Variants in RFX3 observed in about 807,000 individuals in gnomAD.
RFX3 encodes the protein transcription factor RFX3.
A neutral mutation model predicts 98.6 loss-of-function variants in RFX3; 14 were observed. The ratio of observed to expected loss-of-function variants is 0.14; its 90% CI spans 0.09 to 0.22. The LOEUF (loss-of-function observed/expected upper bound fraction) is 0.22. RFX3 is among the 10% of genes least tolerant of loss of function. The pLI is 1.00. For missense variants in RFX3, 639 were observed against 926.9 expected, an observed-to-expected ratio of 0.69 and a Z score of 4.03; for synonymous variants, 383 against 328.4, an observed-to-expected ratio of 1.17 and a Z score of -1.80.
intron 1 of RFX3, among the ~76,000 whole-genome samples, chr9:3,428,464 A>G (rs1423494947): frequency 6.6e-6 from 1 of 152,218 alleles, no homozygotes; most frequent in Non-Finnish European, 1.5e-5. Flanking sequence ...TTTAAAATTT[A>G]TTTTATAAAG....
At chr9:3,344,897 T>C (rs1461936898) in intron 3 of RFX3, 2 of 701,314 alleles carry the variant, frequency 2.9e-6, no homozygotes, top group East Asian at 2.7e-5. Context: ...AACAAATAAG[T>C]AGAGTGAAAA....
chr9:3,362,345 GA>G lies in RFX3; in HGVS notation c.118-15582del, dbSNP rs543397925. ...TAAATGACAGAATTCATTTTATGTAGAAAACAGAATTTGTTTATTTACATTA... is the reference window on the plus strand; with the variant it reads ...TAAATGACAGAATTCATTTTATGTAGAAACAGAATTTGTTTATTTACATTA... On this transcript the variant is annotated intron_variant, in intron 2 of 16. Coordinates refer to ENST00000617270, the MANE Select transcript of RFX3 (RefSeq NM_001282116.2). 2.3e-3 allele frequency among the ~76,000 whole-genome samples: 349 copies of G among 152,244 alleles called. 1 individual carries two copies. Among genetic ancestry groups the G allele is most frequent in the African/African-American group, 8.0e-3 (334 of 41,546 alleles).
chr9:3,225,619 G>C (rs1481464279), intron 16 of RFX3, among the ~76,000 whole-genome samples: 2 of 152,050 alleles, frequency 1.3e-5, no homozygotes, highest in Non-Finnish European at 2.9e-5. Flanking sequence ...TAGTCACTTT[G>C]GTATGTTATG....
intron 15 of RFX3, among the ~76,000 whole-genome samples, chr9:3,237,215 T>C: frequency 6.6e-6 from 1 of 152,220 alleles, no homozygotes; most frequent in South Asian, 2.1e-4. Context: ...ATTGACTTGT[T>C]TTCCCACTCT....
At chr9:3,391,435 G>A (rs1203082536) in intron 2 of RFX3, among the ~76,000 whole-genome samples, 1 of 152,156 alleles carries the variant, frequency 6.6e-6, no homozygotes, top group African/African-American at 2.4e-5. Context: ...AAAACTGCGT[G>A]AAATAAAACA....
Position 3,224,879 on chromosome 9 carries a change from T to C in RFX3, c.*163A>G, listed in dbSNP as rs1817595121. On this transcript the variant is annotated 3_prime_UTR_variant, in exon 17 of 17. Transcript: ENST00000617270. ...AATTTGTTTACGTTAAAAAAAAAGATCTGGCAAAATACATACACCCATTCC... is the reference window on the plus strand; with the variant it reads ...AATTTGTTTACGTTAAAAAAAAAGACCTGGCAAAATACATACACCCATTCC... 3 of 586,262 alleles carry C rather than the reference T, an allele frequency of 5.1e-6. No individual in the cohort carries two copies. Among genetic ancestry groups the C allele is most frequent in the Non-Finnish European group, 8.5e-6 (3 of 351,138 alleles). 36.3% of individuals were successfully genotyped at this position (586,262 alleles called of 1,614,324 possible).
intron 1 of RFX3, among the ~76,000 whole-genome samples, chr9:3,484,082 A>G (rs1850043347): frequency 6.6e-6 from 1 of 152,190 alleles, no homozygotes; most frequent in African/African-American, 2.4e-5. Context: ...AATAAAAACA[A>G]TGTTGCAGAT....
chr9:3,377,970 T>A (rs1409871414), intron 2 of RFX3, among the ~76,000 whole-genome samples: 2 of 152,182 alleles, frequency 1.3e-5, no homozygotes, highest in Non-Finnish European at 2.9e-5. Flanking sequence ...AGTGTATAAA[T>A]ATAAGTATAC....
At chr9:3,375,637 A>T (rs1042685629) in intron 2 of RFX3, among the ~76,000 whole-genome samples, 1 of 152,220 alleles carries the variant, frequency 6.6e-6, no homozygotes, top group Non-Finnish European at 1.5e-5. Flanking sequence ...ACTTACACCT[A>T]TGTGAGTGTA....
intron 1 of RFX3, among the ~76,000 whole-genome samples, chr9:3,426,532 G>A (rs759949243): frequency 9.9e-5 from 15 of 152,126 alleles, no homozygotes; most frequent in Non-Finnish European, 2.1e-4. Context: ...GTGAGCAGGA[G>A]GTGAGCAGCA....
At chr9:3,227,594 A>T (rs1213731456) in intron 16 of RFX3, among the ~76,000 whole-genome samples, 1 of 152,202 alleles carries the variant, frequency 6.6e-6, no homozygotes, top group Admixed American at 6.5e-5. Context: ...TCAGTCTCTG[A>T]CTGAGCAGTA....
chr9:3,326,248 C>A (rs572125011), intron 4 of RFX3, among the ~76,000 whole-genome samples: 3 of 152,064 alleles, frequency 2.0e-5, no homozygotes, highest in South Asian at 2.1e-4. Flanking sequence ...AGTATTTTGA[C>A]TAAATTTGAG....
At chr9:3,523,850 G>C (rs1818958185) in intron 1 of RFX3, among the ~76,000 whole-genome samples, 1 of 152,142 alleles carries the variant, frequency 6.6e-6, no homozygotes, top group Admixed American at 6.5e-5. Context: ...ACAAATCTGA[G>C]TGCTCTGAGA....
intron 14 of RFX3, among the ~76,000 whole-genome samples, chr9:3,248,522 C>T (rs1432419805): frequency 6.6e-6 from 1 of 152,194 alleles, no homozygotes; most frequent in Non-Finnish European, 1.5e-5. Context: ...CCACTCATTA[C>T]TACCCTAAGA....
intron 1 of RFX3, among the ~76,000 whole-genome samples, chr9:3,491,163 A>G (rs1203895236): frequency 6.6e-6 from 1 of 152,104 alleles, no homozygotes; most frequent in Non-Finnish European, 1.5e-5. Context: ...GCAAACAGGC[A>G]CAGCTGAGTA....
intron 2 of RFX3, among the ~76,000 whole-genome samples, chr9:3,379,427 T>A (rs1042168597): frequency 8.5e-5 from 13 of 152,162 alleles, no homozygotes; most frequent in Admixed American, 5.9e-4. Flanking sequence ...GTTTTTTTTT[T>A]ATTCAATTTG....
At chr9:3,408,301 G>T (rs1276514167) in intron 1 of RFX3, among the ~76,000 whole-genome samples, 1 of 152,006 alleles carries the variant, frequency 6.6e-6, no homozygotes. Flanking sequence ...CACTGTTCAG[G>T]GTAATAAAGC....
intron 2 of RFX3, among the ~76,000 whole-genome samples, chr9:3,383,060 A>G (rs1839356483): frequency 6.6e-6 from 1 of 152,136 alleles, no homozygotes; most frequent in South Asian, 2.1e-4. Flanking sequence ...TTTTAATACA[A>G]CTTCAGATTC....
intron 7 of RFX3, among the ~76,000 whole-genome samples, chr9:3,279,610 A>G (rs1825674171): frequency 6.6e-6 from 1 of 151,864 alleles, no homozygotes; most frequent in African/African-American, 2.4e-5. Context: ...TTTAACCATA[A>G]AAGAAAATGA....
Sources: allele counts gnomAD v4.1 joint callset (sites outside exome capture counted in the v4.1 genomes callset), GRCh38; gene constraint gnomAD v4.1.1; transcripts MANE v1.5; gene names NCBI Gene and HGNC (gene_info 2026-07-23, HGNC 2026-07-21).